BPI: variants seen among roughly 807,000 people sequenced by gnomAD.
BPI encodes the protein bactericidal permeability-increasing protein.
Under a neutral mutation model 57.6 loss-of-function variants are expected in BPI, and 48 were observed. That is an observed-to-expected ratio of 0.83 (90% CI 0.66 to 1.06). The LOEUF (loss-of-function observed/expected upper bound fraction) is 1.06, where lower values mean the gene tolerates loss of function less well. Among genes scored for constraint, BPI ranks in the 50% least tolerant of loss-of-function variants. BPI has a pLI of 0.00. For synonymous variants in BPI, 237 were observed against 238.2 expected, an observed-to-expected ratio of 0.99 and a Z score of 0.05; for missense variants, 651 against 609.7, an observed-to-expected ratio of 1.07 and a Z score of -0.71.
intron 2 of BPI, 71 bp downstream of exon 2, chr20:38,307,752 T>C: frequency 3.2e-6 from 4 of 1,269,390 alleles, no homozygotes; most frequent in Non-Finnish European, 4.5e-6. Flanking sequence ...AGAGCTAGAA[T>C]GCAGAGCCAC....
chr20:38,320,394 C>A, intron 7 of BPI, 120 bp downstream of exon 7: 1 of 859,458 alleles, frequency 1.2e-6, no homozygotes, highest in Non-Finnish European at 1.8e-6. Context: ...TCACCACCAC[C>A]CTCTCTACTC....
At chr20:38,314,965 GC>G (rs2076645296) in intron 5 of BPI, among the ~76,000 whole-genome samples, 1 of 149,680 alleles carries the variant, frequency 6.7e-6, no homozygotes, top group African/African-American at 2.5e-5. Context: ...CAAGGCAGGA[GC>G]TCATCCTGGG....
intron 5 of BPI, 106 bp downstream of exon 5, chr20:38,312,043 T>A: frequency 8.6e-7 from 1 of 1,166,734 alleles, no homozygotes; most frequent in Non-Finnish European, 1.3e-6. Flanking sequence ...GACCCCTTGG[T>A]AGTCCTTATG....
intron 13 of BPI, among the ~76,000 whole-genome samples, chr20:38,334,965 CT>C (rs1265296206): frequency 6.6e-6 from 1 of 152,152 alleles, no homozygotes; most frequent in African/African-American, 2.4e-5. Context: ...AGGCCGGCCC[CT>C]GACCTTTGAG....
chr20:38,311,813 C>A, intron 4 of BPI, 61 bp from the exon 5 acceptor site: 1 of 1,561,234 alleles, frequency 6.4e-7, no homozygotes, highest in Non-Finnish European at 8.8e-7. Flanking sequence ...AGGCAGCCTC[C>A]TGAATCCAGC....
At chr20:38,318,014 A>G in intron 5 of BPI, 2 of 985,322 alleles carry the variant, frequency 2.0e-6, no homozygotes, top group Non-Finnish European at 2.4e-6. Context: ...AGGTAAGGGA[A>G]GGCTGGCCAT....
chr20:38,329,838 G>A lies in BPI; in HGVS notation c.1230-1210G>A, dbSNP rs552452694. 4.7e-3 allele frequency among the ~76,000 whole-genome samples: 713 copies of A among 152,006 alleles called. 4 individuals are homozygous for A. Among genetic ancestry groups the A allele is most frequent in the Admixed American group, 9.4e-3 (144 of 15,272 alleles). The stretch of plus-strand genomic sequence containing the variant: ...AGCAATTCTCCTGCCTCAGCCTCCC[G>A]TGTAGCTGGGACTACAGGTGCGCAC... On this transcript the variant is annotated intron_variant, in intron 11 of 14. Coordinates refer to ENST00000642449, the MANE Select transcript of BPI (RefSeq NM_001725.3).
At chr20:38,334,402 A>G in intron 12 of BPI, 28 bp from the exon 13 acceptor site, 2 of 1,604,836 alleles carry the variant, frequency 1.2e-6, no homozygotes, top group Non-Finnish European at 1.7e-6. Context: ...ATGCAGGGCC[A>G]TCCTCCCATC....
chr20:38,315,005 G>A (rs1358743981), intron 5 of BPI, among the ~76,000 whole-genome samples: 1 of 151,842 alleles, frequency 6.6e-6, no homozygotes, highest in Non-Finnish European at 1.5e-5. Context: ...CGAGGTTGAT[G>A]GTGATGGTGA....
intron 5 of BPI, among the ~76,000 whole-genome samples, chr20:38,313,730 G>A (rs572125829): frequency 1.3e-5 from 2 of 151,868 alleles, no homozygotes; most frequent in Non-Finnish European, 2.9e-5. Flanking sequence ...GGTGATGATG[G>A]TGATGGTGAG....
intron 9 of BPI, among the ~76,000 whole-genome samples, chr20:38,326,033 A>G (rs1208553399): frequency 6.6e-6 from 1 of 152,132 alleles, no homozygotes; most frequent in Non-Finnish European, 1.5e-5. Context: ...GAGCTTGTTG[A>G]GTTTGGGGCA....
chr20:38,307,958 A>G, intron 2 of BPI, among the ~76,000 whole-genome samples: 1 of 152,196 alleles, frequency 6.6e-6, no homozygotes, highest in East Asian at 1.9e-4. Context: ...CTTTTCTAAA[A>G]TGGCTTAAGG....
At chr20:38,320,396 T>A (rs983187202) in intron 7 of BPI, 122 bp downstream of exon 7, 1 of 845,750 alleles carries the variant, frequency 1.2e-6, no homozygotes, top group Non-Finnish European at 1.8e-6. Context: ...ACCACCACCC[T>A]CTCTACTCTC....
chr20:38,322,426 C>T (rs1379807378), intron 7 of BPI, among the ~76,000 whole-genome samples: 1 of 152,222 alleles, frequency 6.6e-6, no homozygotes, highest in Non-Finnish European at 1.5e-5. Flanking sequence ...CAGAGTTGAT[C>T]ACTGACAACC....
At chr20:38,314,228 A>G (rs911620282) in intron 5 of BPI, among the ~76,000 whole-genome samples, 529 of 64,978 alleles carry the variant, frequency 8.1e-3, no homozygotes, top group Middle Eastern at 0.062. Context: ...TGGTGATGGT[A>G]ATGGTGGGGA....
At chr20:38,334,279 T>C (rs2076756152) in intron 12 of BPI, 151 bp from the exon 13 acceptor site, 2 of 728,790 alleles carry the variant, frequency 2.7e-6, no homozygotes, top group Non-Finnish European at 2.4e-6. Flanking sequence ...ACATATCACT[T>C]GCGTCCACCT....
At chr20:38,325,224 G>C (rs1297724550) in intron 9 of BPI, among the ~76,000 whole-genome samples, 1 of 152,132 alleles carries the variant, frequency 6.6e-6, no homozygotes, top group Admixed American at 6.5e-5. Flanking sequence ...AGTGTGGACT[G>C]TTACCAGTGA....
At chr20:38,313,383 CAAAAAAAAAAAAAAA>C (rs60202764) in intron 5 of BPI, among the ~76,000 whole-genome samples, 2 of 84,560 alleles carry the variant, frequency 2.4e-5, no homozygotes, top group East Asian at 3.8e-4. Flanking sequence ...AACCCTGTCT[CAAAAAAAAAAAAAAA>C]AAAAAAAAAA....
chr20:38,315,990 G>A (rs1343025731), intron 5 of BPI, among the ~76,000 whole-genome samples: 1 of 151,870 alleles, frequency 6.6e-6, no homozygotes. Context: ...CTGCCACCAT[G>A]CCTGGCTAAT....
Sources: gnomAD v4.1 joint callset for allele counts (sites outside exome capture counted in the v4.1 genomes callset) on GRCh38, gnomAD v4.1.1 for gene constraint, MANE v1.5 for transcripts, NCBI Gene and HGNC (gene_info 2026-07-23, HGNC 2026-07-21) for gene names.